The following CNTN5 variants were observed in gnomAD, a reference collection of about 807,000 sequenced individuals.
CNTN5 encodes contactin-5.
CNTN5 carries 77 observed loss-of-function variants against 129.1 expected under a neutral mutation model. The ratio of observed to expected loss-of-function variants is 0.60; its 90% CI spans 0.50 to 0.72. The LOEUF (loss-of-function observed/expected upper bound fraction) is 0.72, where lower values mean the gene tolerates loss of function less well. Ranked by LOEUF, CNTN5 falls within the 30% of genes least tolerant of loss-of-function variation. The pLI is 0.00. For synonymous variants in CNTN5, 509 were observed against 465.6 expected (o/e 1.09, Z -1.20); for missense variants, 1,478 against 1,328.8 (o/e 1.11, Z -1.75).
At chr11:99,036,275 A>G (rs1363350978) in intron 1 of CNTN5, among the ~76,000 whole-genome samples, 2 of 152,132 alleles carry the variant, frequency 1.3e-5, no homozygotes, top group Admixed American at 6.6e-5. Flanking sequence ...TTTAGACATT[A>G]TATATGGTCC....
intron 2 of CNTN5, among the ~76,000 whole-genome samples, chr11:99,472,469 C>G (rs1373779540): frequency 6.6e-6 from 1 of 152,032 alleles, no homozygotes; most frequent in Non-Finnish European, 1.5e-5. Context: ...TATGATTATG[C>G]CAAGTTTTGC....
At chr11:99,123,424 A>G (rs1014010634) in intron 1 of CNTN5, among the ~76,000 whole-genome samples, 1 of 151,664 alleles carries the variant, frequency 6.6e-6, no homozygotes, top group Non-Finnish European at 1.5e-5. Context: ...TTTATTTATT[A>G]TAGATTCTGA....
chr11:99,978,685 C>G (rs764591116), intron 8 of CNTN5, among the ~76,000 whole-genome samples: 9 of 152,166 alleles, frequency 5.9e-5, no homozygotes, highest in Non-Finnish European at 1.0e-4. Flanking sequence ...GCTATATCAT[C>G]TAGGTTTTTG....
chr11:99,231,986 C>T (rs1238434660), intron 1 of CNTN5, among the ~76,000 whole-genome samples: 1 of 152,016 alleles, frequency 6.6e-6, no homozygotes, highest in Non-Finnish European at 1.5e-5. Context: ...TCCGAGTTCT[C>T]TATTTTGTTA....
At chr11:99,037,571 CTTTTCTT>C (rs1863800317) in intron 1 of CNTN5, among the ~76,000 whole-genome samples, 1 of 118,266 alleles carries the variant, frequency 8.5e-6, no homozygotes, top group Non-Finnish European at 1.7e-5. Flanking sequence ...CTTCTTTTTT[CTTTTCTT>C]TTTTTTTTTT....
In CNTN5 at chr11:99,865,857, T is replaced by G. The variant is rs578019308; in HGVS notation, c.577+20595T>G. Reference sequence around the variant, plus strand: ...GTAACCTGGTTTGGTTTCACTTGTTTTAATTATTTTTTGATGATTTAAGAC... The same window carrying G: ...GTAACCTGGTTTGGTTTCACTTGTTGTAATTATTTTTTGATGATTTAAGAC... On this transcript the variant is annotated intron_variant, in intron 6 of 24. Coordinates refer to ENST00000524871, the MANE Select transcript of CNTN5 (RefSeq NM_014361.4). 6.6e-5 allele frequency among the ~76,000 whole-genome samples: 10 copies of G among 152,300 alleles called. No homozygotes were observed. The East Asian group carries it at 1.9e-3, about 29-fold the overall frequency.
intron 1 of CNTN5, among the ~76,000 whole-genome samples, chr11:99,126,292 A>T (rs17133094): frequency 0.062 from 9,388 of 152,242 alleles, 317 homozygotes; most frequent in African/African-American, 0.085. Flanking sequence ...TTGAAATGTT[A>T]ATATTAGCAG....
chr11:100,100,685 A>G (rs192187184), intron 13 of CNTN5, among the ~76,000 whole-genome samples: 1 of 152,246 alleles, frequency 6.6e-6, no homozygotes, highest in Non-Finnish European at 1.5e-5. Flanking sequence ...TTATAAAAAG[A>G]AAAAGTATTT....
At chr11:99,041,261 C>G (rs1171154715) in intron 1 of CNTN5, among the ~76,000 whole-genome samples, 1 of 152,080 alleles carries the variant, frequency 6.6e-6, no homozygotes, top group Non-Finnish European at 1.5e-5. Context: ...CATTTATTCT[C>G]TCCTCAAGGC....
intron 1 of CNTN5, among the ~76,000 whole-genome samples, chr11:99,260,605 A>G (rs1314028540): frequency 6.6e-6 from 1 of 151,934 alleles, no homozygotes; most frequent in Middle Eastern, 3.2e-3. Flanking sequence ...GAAAACAAGA[A>G]AACTACACAC....
intron 3 of CNTN5, among the ~76,000 whole-genome samples, chr11:99,599,432 A>T (rs894090157): frequency 1.7e-4 from 26 of 152,174 alleles, no homozygotes; most frequent in African/African-American, 5.8e-4. Context: ...TTATATCTGT[A>T]AGATTTTATA....
chr11:100,059,528 TA>T (rs57281844), intron 9 of CNTN5, among the ~76,000 whole-genome samples: 15 of 151,108 alleles, frequency 9.9e-5, no homozygotes, highest in Non-Finnish European at 1.5e-4. Flanking sequence ...AGCAAAATAA[TA>T]AAAAAAACAT....
intron 1 of CNTN5, among the ~76,000 whole-genome samples, chr11:99,124,385 C>A (rs1034158479): frequency 9.9e-5 from 15 of 151,900 alleles, no homozygotes; most frequent in African/African-American, 1.7e-4. Flanking sequence ...TTTTGTATCC[C>A]AAAACTTTGC....
chr11:100,195,019 T>C (rs1342289353), intron 15 of CNTN5, among the ~76,000 whole-genome samples: 1 of 151,974 alleles, frequency 6.6e-6, no homozygotes, highest in Non-Finnish European at 1.5e-5. Context: ...GTATTTAGAG[T>C]GTGTTAAATT....
intron 8 of CNTN5, among the ~76,000 whole-genome samples, chr11:99,983,303 G>T (rs568398976): frequency 6.6e-6 from 1 of 152,172 alleles, no homozygotes; most frequent in African/African-American, 2.4e-5. Flanking sequence ...AAAATATGTG[G>T]CTGTAAAGTG....
chr11:100,283,339 C>T (rs571418816), intron 18 of CNTN5, among the ~76,000 whole-genome samples: 78 of 152,268 alleles, frequency 5.1e-4, no homozygotes, highest in African/African-American at 1.9e-3. Flanking sequence ...CTCCTTCTCT[C>T]CTAAAGTGGG....
At chr11:99,697,620 T>TG (rs1259928481) in intron 3 of CNTN5, among the ~76,000 whole-genome samples, 1 of 151,252 alleles carries the variant, frequency 6.6e-6, no homozygotes, top group Non-Finnish European at 1.5e-5. Flanking sequence ...AATGGGATCT[T>TG]GAAAAAAAAG....
chr11:100,294,168 T>C (rs1343915433), intron 18 of CNTN5, among the ~76,000 whole-genome samples: 2 of 151,628 alleles, frequency 1.3e-5, no homozygotes, highest in Non-Finnish European at 3.0e-5. Flanking sequence ...TACTGTAATA[T>C]AAATTGGAAA....
intron 2 of CNTN5, among the ~76,000 whole-genome samples, chr11:99,358,517 C>G (rs1032604298): frequency 1.3e-4 from 19 of 151,164 alleles, no homozygotes; most frequent in African/African-American, 4.6e-4. Flanking sequence ...GCCAAGATCG[C>G]GCCACTGCAC....
Sources: gnomAD v4.1 joint callset for allele counts (sites outside exome capture counted in the v4.1 genomes callset) on GRCh38, gnomAD v4.1.1 for gene constraint, MANE v1.5 for transcripts, NCBI Gene and HGNC (gene_info 2026-07-23, HGNC 2026-07-21) for gene names.